EML5: variants seen among roughly 807,000 people sequenced by gnomAD.
EML5 encodes the protein EMAP like 5, also known as echinoderm microtubule-associated protein-like 5.
In EML5, 120 loss-of-function variants were observed where a neutral mutation model predicts 250.0. That is an observed-to-expected ratio of 0.48 (90% CI 0.41 to 0.56). The LOEUF (loss-of-function observed/expected upper bound fraction) is 0.56, where lower values mean the gene tolerates loss of function less well. Among genes scored for constraint, EML5 ranks in the 20% least tolerant of loss-of-function variants. EML5 has a pLI of 0.00. For synonymous variants in EML5, 771 were observed against 806.5 expected, an observed-to-expected ratio of 0.96 and a Z score of 0.75; for missense variants, 2,006 against 2,437.6, an observed-to-expected ratio of 0.82 and a Z score of 3.73.
At position 88,620,876 on chromosome 14, in the gene EML5, G is replaced by A. The variant is rs2088772026; in HGVS notation, c.5253C>T (p.Tyr1751=). 2 of 1,570,024 alleles carry A rather than the reference G, an allele frequency of 1.3e-6. No homozygotes were observed. The highest frequency in any genetic ancestry group is 2.3e-5 in the South Asian group (2 of 85,620). Residue 1751 remains tyrosine, a synonymous_variant, in exon 39 of 44, where the codon TAC becomes TAT. Coordinates refer to ENST00000554922, the MANE Select transcript of EML5 (RefSeq NM_183387.3). This position sits in a 1 kb window ranked among gnomAD's most constrained non-coding sequence, Gnocchi z 4.3. ...NLGHAARTVC[Y]SPEGDMVAIG... Reference sequence around the variant, plus strand: ...TAGCCACCATGTCCCCTTCAGGGCTGTAACACACAGTACGAGCAGCATGTC... The same window carrying A: ...TAGCCACCATGTCCCCTTCAGGGCTATAACACACAGTACGAGCAGCATGTC...
At chr14:88,752,493 G>A (rs2094110692) in intron 2 of EML5, among the ~76,000 whole-genome samples, 1 of 152,124 alleles carries the variant, frequency 6.6e-6, no homozygotes. Flanking sequence ...TTGTGCAATT[G>A]CCAAACACTG....
chr14:88,770,268 A>C (rs2140580352), intron 1 of EML5, among the ~76,000 whole-genome samples: 1 of 152,286 alleles, frequency 6.6e-6, no homozygotes, highest in East Asian at 1.9e-4. Context: ...AGGTCTGATA[A>C]GTTATTTTAA....
In EML5 at chr14:88,693,937, A is replaced by ATT. The variant is rs546736691; in HGVS notation, c.2539+368_2539+369dup. On this transcript the variant is annotated intron_variant, in intron 17 of 43. Coordinates refer to ENST00000554922, the MANE Select transcript of EML5 (RefSeq NM_183387.3). Reference sequence around the variant, plus strand: ...AGGTACACACCACCATGCCCAGCTAATTTTTTTTTTTTTTTTGTAGAGACA... The same window carrying ATT: ...AGGTACACACCACCATGCCCAGCTAATTTTTTTTTTTTTTTTTTGTAGAGACA... Among the ~76,000 whole-genome samples the ATT allele has an allele frequency of 1.7e-3, 227 of 137,248 alleles. 1 individual carries two copies. The highest frequency in any genetic ancestry group is 5.6e-3 in the African/African-American group (206 of 37,112). The allele number at this position is 137,248 out of a possible 152,430, so 90.0% of individuals were successfully genotyped here.
intron 41 of EML5, chr14:88,617,452 TG>T (rs1247672745): frequency 6.6e-6 from 1 of 152,272 alleles, no homozygotes; most frequent in Non-Finnish European, 1.5e-5. Context: ...GACTGAAAAC[TG>T]ATAGAACTAT....
chr14:88,647,088 C>A (rs2091383662), intron 28 of EML5, 133 bp from the exon 29 acceptor site: 2 of 779,810 alleles, frequency 2.6e-6, no homozygotes, highest in African/African-American at 1.8e-5. Context: ...ATATTAAAGG[C>A]CTGTTGTTTT....
chr14:88,732,863 T>G (rs970290631), intron 7 of EML5, among the ~76,000 whole-genome samples: 1 of 152,148 alleles, frequency 6.6e-6, no homozygotes, highest in Admixed American at 6.5e-5. Flanking sequence ...CAGGCTGGAG[T>G]GCAGTGGCGC....
chr14:88,676,808 T>G (rs1407222017), intron 21 of EML5, among the ~76,000 whole-genome samples: 3 of 152,144 alleles, frequency 2.0e-5, no homozygotes, highest in African/African-American at 7.2e-5. Flanking sequence ...GGGAATAGAA[T>G]AGAGATCTCA....
chr14:88,722,999 A>G (rs2093614299), intron 8 of EML5, among the ~76,000 whole-genome samples: 1 of 152,222 alleles, frequency 6.6e-6, no homozygotes, highest in South Asian at 2.1e-4. Flanking sequence ...GGAAAGACAT[A>G]TTTGAAGAAG....
At chr14:88,625,374 A>G (rs992229070) in intron 35 of EML5, 11 of 425,940 alleles carry the variant, frequency 2.6e-5, no homozygotes, top group African/African-American at 2.0e-4. Context: ...CTTCCCTTCC[A>G]ATTCTAACAT....
chr14:88,639,267 C>T (rs2090922553), intron 31 of EML5, among the ~76,000 whole-genome samples: 1 of 152,118 alleles, frequency 6.6e-6, no homozygotes, highest in Admixed American at 6.5e-5. Flanking sequence ...TGGGGAAGGG[C>T]CTTCTAGACA....
chr14:88,665,439 G>A lies in EML5; in HGVS notation c.3175C>T (p.Leu1059Phe). ...GCCATTAAGAAGCTTCCATCGTTGAGACCTACGGCTAAAGCTTTACCATCA... is the reference window on the plus strand; with the variant it reads ...GCCATTAAGAAGCTTCCATCGTTGAAACCTACGGCTAAAGCTTTACCATCA... ...SPDGKALAVG[L>F]NDGSFLMANA... The change falls in exon 22 of 44, where the codon CTC becomes TTC. Residue 1059 changes from leucine to phenylalanine, a missense_variant. Physicochemically the swap from Leu to Phe is conservative, Grantham distance 22. Coordinates refer to ENST00000554922, the MANE Select transcript of EML5 (RefSeq NM_183387.3). The A allele has an allele frequency of 6.2e-7, 1 of 1,613,990 alleles. No homozygotes were observed. Among genetic ancestry groups the A allele is most frequent in the Non-Finnish European group, 8.5e-7 (1 of 1,179,882 alleles).
At chr14:88,765,281 A>C (rs1355087175) in intron 1 of EML5, among the ~76,000 whole-genome samples, 16 of 152,116 alleles carry the variant, frequency 1.1e-4, no homozygotes, top group Admixed American at 1.0e-3. Flanking sequence ...TACTTTCTAG[A>C]GTCTCTGGGG....
chr14:88,621,340 A>G (rs374668618), intron 37 of EML5, 39 bp from the exon 38 acceptor site: 2 of 1,607,910 alleles, frequency 1.2e-6, no homozygotes, highest in Non-Finnish European at 8.5e-7. Context: ...AATGTAATAC[A>G]ACAGCTGCTT....
At chr14:88,711,998 C>A (rs1405784931) in intron 10 of EML5, among the ~76,000 whole-genome samples, 1 of 151,062 alleles carries the variant, frequency 6.6e-6, no homozygotes. Context: ...TGAAAGAATT[C>A]ACGAAGTGAA....
intron 1 of EML5, among the ~76,000 whole-genome samples, chr14:88,761,528 C>G (rs774070914): frequency 2.6e-5 from 4 of 152,180 alleles, no homozygotes; most frequent in Non-Finnish European, 5.9e-5. Context: ...GACATGAACT[C>G]ATCCTTTTTA....
chr14:88,630,741 G>A (rs2090395276), intron 33 of EML5, among the ~76,000 whole-genome samples: 1 of 152,210 alleles, frequency 6.6e-6, no homozygotes, highest in Admixed American at 6.5e-5. Context: ...TTTAGGTCAT[G>A]GCTCTGAAAA....
At chr14:88,790,569 C>T (rs1278602885) in intron 1 of EML5, among the ~76,000 whole-genome samples, 8 of 152,142 alleles carry the variant, frequency 5.3e-5, no homozygotes, top group Non-Finnish European at 8.8e-5. Flanking sequence ...GCTCTCATAA[C>T]CCCCAAGGAG....
At chr14:88,634,524 A>G (rs1338175215) in intron 32 of EML5, 35 bp from the exon 33 acceptor site, 1 of 1,195,738 alleles carries the variant, frequency 8.4e-7, no homozygotes, top group Admixed American at 3.1e-5. Context: ...AAATAACATA[A>G]ATCTGTAAAA....
At chr14:88,669,426 T>G (rs1418227958) in intron 21 of EML5, among the ~76,000 whole-genome samples, 3 of 152,152 alleles carry the variant, frequency 2.0e-5, no homozygotes, top group African/African-American at 7.2e-5. Flanking sequence ...ATAGACAGTT[T>G]AGACCCAGGA....
Sources: gnomAD v4.1 joint callset for allele counts (sites outside exome capture counted in the v4.1 genomes callset) on GRCh38, gnomAD v4.1.1 for gene constraint, Gnocchi (gnomAD v3.1) non-coding constraint, MANE v1.5 for transcripts, NCBI Gene and HGNC (gene_info 2026-07-23, HGNC 2026-07-21) for gene names.